The following XPR1 variants were observed in gnomAD, a reference collection of about 807,000 sequenced individuals.
XPR1 encodes xenotropic and polytropic retrovirus receptor 1, also known as solute carrier family 53 member 1.
A neutral mutation model predicts 87.5 loss-of-function variants in XPR1; 28 were observed. The ratio of observed to expected loss-of-function variants is 0.32; its 90% CI spans 0.24 to 0.44. The LOEUF is 0.44. XPR1 is among the 20% of genes least tolerant of loss of function. The probability of loss-of-function intolerance (pLI) is 1.00; values close to 1 mark genes in which losing one functional copy is unlikely to be tolerated. For missense variants in XPR1, 559 were observed against 862.3 expected (o/e 0.65, Z 4.41); for synonymous variants, 300 against 306.1 (o/e 0.98, Z 0.21).
intron 2 of XPR1, among the ~76,000 whole-genome samples, chr1:180,690,395 T>C (rs1047587321): frequency 1.3e-5 from 2 of 152,168 alleles, no homozygotes; most frequent in African/African-American, 4.8e-5. Context: ...GAACAGTATC[T>C]CCAACAATAG....
intron 2 of XPR1, among the ~76,000 whole-genome samples, chr1:180,765,542 A>G (rs1053655342): frequency 2.6e-5 from 4 of 151,844 alleles, no homozygotes; most frequent in African/African-American, 9.7e-5. Context: ...TGGTTTCAGG[A>G]CTCCCCTCAG....
In XPR1 at chr1:180,766,035, G is replaced by A. The variant is rs190697847; in HGVS notation, c.122-21718G>A. Among the ~76,000 whole-genome samples, 552 of 152,018 alleles carry A rather than the reference G, an allele frequency of 3.6e-3. 3 individuals are homozygous for A. The highest frequency in any genetic ancestry group is 3.5e-3 in the Non-Finnish European group (241 of 67,976). ...AGTTTAACTGGCTGTGGTCTTATAA[G>A]TTATCATTAATGGATTTAAAGTAGA... On this transcript the variant is annotated intron_variant, in intron 2 of 14. Transcript: ENST00000367590.
chr1:180,803,100 A>G (rs529587457), intron 3 of XPR1, among the ~76,000 whole-genome samples: 29 of 152,118 alleles, frequency 1.9e-4, no homozygotes, highest in Non-Finnish European at 3.7e-4. Context: ...ACTGCCAGCT[A>G]TTTTCCAAAT....
chr1:180,723,878 A>ATC (rs573922252), intron 2 of XPR1, among the ~76,000 whole-genome samples: 41 of 152,270 alleles, frequency 2.7e-4, no homozygotes, highest in Non-Finnish European at 4.7e-4. Flanking sequence ...CACATGGTTG[A>ATC]AAACCTTTCT....
At chr1:180,727,002 G>A (rs987574361) in intron 2 of XPR1, among the ~76,000 whole-genome samples, 1 of 151,778 alleles carries the variant, frequency 6.6e-6, no homozygotes, top group Non-Finnish European at 1.5e-5. Flanking sequence ...AGCCTCCCGA[G>A]TAGCTGGGAC....
intron 14 of XPR1, among the ~76,000 whole-genome samples, chr1:180,882,930 C>T (rs1408081103): frequency 3.3e-5 from 5 of 151,344 alleles, no homozygotes; most frequent in Non-Finnish European, 7.4e-5. Context: ...CCTCATCATC[C>T]TTATCACAAT....
At chr1:180,768,240 G>A (rs1438711856) in intron 2 of XPR1, among the ~76,000 whole-genome samples, 1 of 150,812 alleles carries the variant, frequency 6.6e-6, no homozygotes, top group East Asian at 1.9e-4. Context: ...TTTTTAGTTT[G>A]AGTGCTGTGT....
Position 180,637,070 on chromosome 1 carries a change from A to AC in XPR1, c.69+4800_69+4801insC, listed in dbSNP as rs1557932785. ...CATCTCAAAAAAAAAAAAAAAAAAAAAGGAAAAGTAAGGGAAGACAGAACT... is the reference window on the plus strand; with the variant it reads ...CATCTCAAAAAAAAAAAAAAAAAAAACAGGAAAAGTAAGGGAAGACAGAACT... On this transcript the variant is annotated intron_variant, in intron 1 of 14. Transcript: ENST00000367590. 4.3e-3 allele frequency among the ~76,000 whole-genome samples: 643 copies of AC among 150,216 alleles called. 7 individuals carry two copies. Among genetic ancestry groups the AC allele is most frequent in the African/African-American group, 0.015 (595 of 40,554 alleles).
chr1:180,639,574 T>C (rs1435150038), intron 1 of XPR1, among the ~76,000 whole-genome samples: 1 of 152,164 alleles, frequency 6.6e-6, no homozygotes, highest in Admixed American at 6.5e-5. Context: ...AATTTAATCA[T>C]AGAGAAAAGT....
Position 180,632,072 on chromosome 1 carries a change from C to T in XPR1, c.-130C>T, listed in dbSNP as rs926856591. On this transcript the variant is annotated 5_prime_UTR_variant, in exon 1 of 15. Coordinates refer to ENST00000367590, the MANE Select transcript of XPR1 (RefSeq NM_004736.4). ...GCGGGCTGCTCTGAAGAGACCTCGG[C>T]GGCGGCGGAGGAGGAGAGAAGCGCA... The T allele has an allele frequency of 3.7e-6, 4 of 1,076,952 alleles. No homozygotes were observed. Among genetic ancestry groups the T allele is most frequent in the Admixed American group, 4.0e-5 (2 of 50,042 alleles). 66.7% of individuals were successfully genotyped at this position (1,076,952 alleles called of 1,614,324 possible).
intron 13 of XPR1, 69 bp downstream of exon 13, chr1:180,874,011 T>G: frequency 6.9e-7 from 1 of 1,441,928 alleles, no homozygotes; most frequent in Non-Finnish European, 9.3e-7. Flanking sequence ...ACTTACAAAT[T>G]AGAATTTATT....
At chr1:180,770,590 A>G (rs1648476871) in intron 2 of XPR1, among the ~76,000 whole-genome samples, 1 of 152,174 alleles carries the variant, frequency 6.6e-6, no homozygotes, top group Non-Finnish European at 1.5e-5. Context: ...TTTAAATTTT[A>G]TCCAACATTT....
At chr1:180,672,984 G>T (rs1415470410) in intron 1 of XPR1, among the ~76,000 whole-genome samples, 1 of 152,072 alleles carries the variant, frequency 6.6e-6, no homozygotes, top group Non-Finnish European at 1.5e-5. Flanking sequence ...TATTAATCCA[G>T]TAGATTGTAA....
intron 2 of XPR1, among the ~76,000 whole-genome samples, chr1:180,762,673 C>G (rs1013602353): frequency 6.6e-6 from 1 of 152,140 alleles, no homozygotes; most frequent in Non-Finnish European, 1.5e-5. Flanking sequence ...TCCAAGGGAT[C>G]GCTGATGAAA....
chr1:180,742,006 T>C (rs1658936848), intron 2 of XPR1, among the ~76,000 whole-genome samples: 1 of 152,130 alleles, frequency 6.6e-6, no homozygotes, highest in Non-Finnish European at 1.5e-5. Flanking sequence ...TCATTTTTAT[T>C]TTTGGTAATT....
chr1:180,683,904 C>T (rs946185404), intron 2 of XPR1, among the ~76,000 whole-genome samples: 86 of 152,100 alleles, frequency 5.7e-4, no homozygotes, highest in African/African-American at 1.4e-3. Context: ...TTCTCCCATT[C>T]TGTAGGTTGC....
intron 1 of XPR1, among the ~76,000 whole-genome samples, chr1:180,632,810 C>T (rs1170410022): frequency 6.6e-6 from 1 of 152,224 alleles, no homozygotes. Flanking sequence ...CCACTGTTGA[C>T]AAAGGCTTTG....
chr1:180,783,704 A>G (rs1357189468), intron 2 of XPR1, among the ~76,000 whole-genome samples: 1 of 152,040 alleles, frequency 6.6e-6, no homozygotes, highest in Non-Finnish European at 1.5e-5. Context: ...ACATAATATC[A>G]TAATGTACTT....
At chr1:180,869,537 G>A (rs1652486596) in intron 12 of XPR1, among the ~76,000 whole-genome samples, 1 of 117,086 alleles carries the variant, frequency 8.5e-6, no homozygotes. Context: ...TCCTGGTTTA[G>A]TCTTGGGAGA....
Sources: allele counts gnomAD v4.1 joint callset (sites outside exome capture counted in the v4.1 genomes callset), GRCh38; gene constraint gnomAD v4.1.1; transcripts MANE v1.5; gene names NCBI Gene and HGNC (gene_info 2026-07-23, HGNC 2026-07-21).